EPHA4: variants seen among roughly 807,000 people sequenced by gnomAD.
EPHA4 encodes the protein ephrin type-A receptor 4.
In EPHA4, 19 loss-of-function variants were observed where a neutral mutation model predicts 108.3. That is an observed-to-expected ratio of 0.18 (90% CI 0.12 to 0.26). The LOEUF is 0.26. Ranked by LOEUF, EPHA4 falls within the 10% of genes least tolerant of loss-of-function variation. The pLI, the probability that EPHA4 is intolerant of heterozygous loss-of-function variation, is 1.00. For synonymous variants in EPHA4, 449 were observed against 455.5 expected (o/e 0.99, Z 0.18); for missense variants, 917 against 1,254.0 (o/e 0.73, Z 4.06).
chr2:221,568,896 C>T, intron 1 of EPHA4, 111 bp from the exon 2 acceptor site: 2 of 715,320 alleles, frequency 2.8e-6, no homozygotes, highest in South Asian at 4.5e-5. Flanking sequence ...ATATCCAACA[C>T]TGATCAAAAC....
chr2:221,441,526 TG>T (rs1472524190), intron 11 of EPHA4, among the ~76,000 whole-genome samples: 1 of 152,144 alleles, frequency 6.6e-6, no homozygotes, highest in African/African-American at 2.4e-5. Flanking sequence ...CAAGTCCATG[TG>T]ACCTGATTCT....
intron 9 of EPHA4, among the ~76,000 whole-genome samples, chr2:221,445,531 A>G (rs1357511519): frequency 6.7e-6 from 1 of 148,374 alleles, no homozygotes; most frequent in Non-Finnish European, 1.5e-5. Context: ...CGGAGCTTGC[A>G]GTGAGCCAAG....
intron 8 of EPHA4, among the ~76,000 whole-genome samples, chr2:221,447,274 A>G (rs758965928): frequency 6.6e-6 from 1 of 152,218 alleles, no homozygotes; most frequent in Non-Finnish European, 1.5e-5. Flanking sequence ...CTTCAAAGAC[A>G]AGGTAAGGCA....
chr2:221,481,591 T>C (rs1425801361), intron 5 of EPHA4, among the ~76,000 whole-genome samples: 1 of 151,896 alleles, frequency 6.6e-6, no homozygotes, highest in Non-Finnish European at 1.5e-5. Flanking sequence ...GAGATGGAGG[T>C]TGCAGTGAGC....
chr2:221,495,980 G>C (rs931172608), intron 4 of EPHA4, among the ~76,000 whole-genome samples: 3 of 152,156 alleles, frequency 2.0e-5, no homozygotes, highest in Non-Finnish European at 4.4e-5. Flanking sequence ...GATTATCATG[G>C]CTGTCAGCAC....
intron 4 of EPHA4, among the ~76,000 whole-genome samples, chr2:221,495,046 T>C (rs2106152371): frequency 6.8e-6 from 1 of 147,574 alleles, no homozygotes; most frequent in East Asian, 2.0e-4. Flanking sequence ...TCTTGACTGA[T>C]ACAGGTGTCT....
rs559874339 is a variant in EPHA4 at position 221,477,552 on chromosome 2, G to A, written c.1318+4800C>T. On this transcript the variant is annotated intron_variant, in intron 5 of 17. Transcript: ENST00000281821. ...ATTGCCTCTAAACATTGCCCATTAG[G>A]GGTAGGAGCAGAAATCACCCCCAAT... Among the ~76,000 whole-genome samples the A allele has an allele frequency of 2.6e-5, 4 of 152,212 alleles. No homozygotes were observed. In the South Asian group the frequency reaches 8.3e-4, roughly 32 times the overall value.
intron 3 of EPHA4, among the ~76,000 whole-genome samples, chr2:221,540,381 A>T (rs958167): frequency 2.0e-5 from 3 of 151,512 alleles, no homozygotes; most frequent in Non-Finnish European, 4.4e-5. Flanking sequence ...AGTTGTCATA[A>T]CATCTCACAG....
chr2:221,466,601 G>A (rs934715849), intron 5 of EPHA4, among the ~76,000 whole-genome samples: 6 of 152,202 alleles, frequency 3.9e-5, no homozygotes, highest in Admixed American at 1.3e-4. Flanking sequence ...TATGCCACAT[G>A]TCTGTAACAA....
upstream of EPHA4, chr2:221,573,639 G>A (rs952937401): frequency 2.0e-4 from 30 of 152,206 alleles, no homozygotes; most frequent in Admixed American, 1.9e-3. The surrounding 1 kb of genome is among the most constrained non-coding windows in gnomAD (Gnocchi z 4.5). Flanking sequence ...GCGGCCGCTG[G>A]GAGGTGGAGG....
intron 3 of EPHA4, among the ~76,000 whole-genome samples, chr2:221,516,109 A>C (rs1239742078): frequency 1.3e-5 from 2 of 152,286 alleles, no homozygotes; most frequent in East Asian, 3.9e-4. Flanking sequence ...TGTCAAAAAC[A>C]CAACCAGGAA....
At chr2:221,514,798 A>T (rs938508610) in intron 3 of EPHA4, among the ~76,000 whole-genome samples, 1 of 152,226 alleles carries the variant, frequency 6.6e-6, no homozygotes, top group Admixed American at 6.5e-5. Context: ...CATGATGTTG[A>T]CATGCTCCCA....
chr2:221,566,463 A>T (rs1360796428), intron 2 of EPHA4, among the ~76,000 whole-genome samples: 2 of 152,128 alleles, frequency 1.3e-5, no homozygotes, highest in Admixed American at 6.5e-5. Context: ...ATCCTGAAAA[A>T]GTCCTCGTCA....
intron 8 of EPHA4, among the ~76,000 whole-genome samples, chr2:221,448,974 A>T (rs1690683457): frequency 6.6e-6 from 1 of 152,212 alleles, no homozygotes; most frequent in Admixed American, 6.5e-5. Context: ...GACAGGGGTC[A>T]TTAATTATAA....
intron 17 of EPHA4, among the ~76,000 whole-genome samples, chr2:221,423,273 G>A (rs1689808178): frequency 6.6e-6 from 1 of 152,170 alleles, no homozygotes; most frequent in African/African-American, 2.4e-5. Context: ...AAGAAAAGTG[G>A]AGTGAATTTC....
At chr2:221,480,624 A>AC (rs1430543302) in intron 5 of EPHA4, among the ~76,000 whole-genome samples, 2 of 152,218 alleles carry the variant, frequency 1.3e-5, no homozygotes, top group African/African-American at 2.4e-5. Context: ...GAAAAATAAA[A>AC]CTAATGACTG....
intron 4 of EPHA4, among the ~76,000 whole-genome samples, chr2:221,493,241 T>A (rs10189230): frequency 0.42 from 63,962 of 151,436 alleles, 13,568 homozygotes; most frequent in East Asian, 0.53. Flanking sequence ...GATAAAAAAA[T>A]ATATAGTTTA....
At chr2:221,554,470 A>T (rs1694250397) in intron 3 of EPHA4, among the ~76,000 whole-genome samples, 1 of 152,200 alleles carries the variant, frequency 6.6e-6, no homozygotes, top group Non-Finnish European at 1.5e-5. Context: ...TGCTGGTTTC[A>T]ACCAGAGTTA....
chr2:221,559,739 T>C (rs546686968), intron 3 of EPHA4, among the ~76,000 whole-genome samples: 52 of 152,284 alleles, frequency 3.4e-4, no homozygotes, highest in African/African-American at 1.2e-3. Context: ...AACAGTCTGA[T>C]GTGGCCTGGA....
Sources: allele counts gnomAD v4.1 joint callset (sites outside exome capture counted in the v4.1 genomes callset), GRCh38; gene constraint gnomAD v4.1.1; non-coding constraint Gnocchi (gnomAD v3.1); transcripts MANE v1.5; gene names NCBI Gene and HGNC (gene_info 2026-07-23, HGNC 2026-07-21).